RFTN1: variants seen among roughly 807,000 people sequenced by gnomAD.
RFTN1 encodes the protein raftlin.
Under a neutral mutation model 46.5 loss-of-function variants are expected in RFTN1, and 26 were observed. The observed-to-expected ratio is 0.56, with a 90% CI of 0.41 to 0.78. The LOEUF (loss-of-function observed/expected upper bound fraction) is 0.78, where lower values mean the gene tolerates loss of function less well. Among genes scored for constraint, RFTN1 ranks in the 30% least tolerant of loss-of-function variants. The pLI, the probability that RFTN1 is intolerant of heterozygous loss-of-function variation, is 0.00. For synonymous variants in RFTN1, 261 were observed against 284.2 expected (o/e 0.92, Z 0.82); for missense variants, 693 against 718.7 (o/e 0.96, Z 0.41).
chr3:16,459,386 A>G lies in RFTN1; in HGVS notation c.146-25349T>C, dbSNP rs2075968763. Among the ~76,000 whole-genome samples the G allele has an allele frequency of 6.6e-6, 1 of 152,212 alleles. No individual in the cohort carries two copies. Among genetic ancestry groups the G allele is most frequent in the Non-Finnish European group, 1.5e-5 (1 of 68,042 alleles). ...TTTCTCATATCTCAAAAGATTGAAA[A>G]TTACAAATCCTAGCACTTTGGGAGG... On this transcript the variant is annotated intron_variant, in intron 2 of 9. Coordinates refer to ENST00000334133, the MANE Select transcript of RFTN1 (RefSeq NM_015150.2). The surrounding 1 kb of genome is among the most constrained non-coding windows in gnomAD (Gnocchi z 4.2).
intron 7 of RFTN1, among the ~76,000 whole-genome samples, chr3:16,331,561 A>G (rs1411136495): frequency 2.6e-5 from 4 of 151,954 alleles, no homozygotes; most frequent in African/African-American, 4.8e-5. Flanking sequence ...TCCTGGTTGT[A>G]CCTGAACCCA....
rs761582997 is a variant in RFTN1 at position 16,326,841 on chromosome 3, C to T, written c.1182G>A (p.Leu394=). ...VEVQTDYVPL[L]NSLAAYGWQL... is the part of the protein sequence containing the mutation. ...GCCAGCCATAGGCCGCCAGCGAGTT[C>T]AGCAGGGGCACGTAGTCTGTCTGCA... The change falls in exon 8 of 10, where the codon CTG becomes CTA. Residue 394 remains leucine (L), a synonymous_variant. Transcript: ENST00000334133. 8.7e-6 allele frequency: 14 copies of T among 1,614,096 alleles called. No homozygotes were observed. The highest frequency in any genetic ancestry group is 4.2e-6 in the Non-Finnish European group (5 of 1,180,006).
At chr3:16,416,369 C>T (rs920654255) in intron 3 of RFTN1, among the ~76,000 whole-genome samples, 11 of 152,134 alleles carry the variant, frequency 7.2e-5, no homozygotes, top group Admixed American at 3.3e-4. Context: ...AAAGCCATCA[C>T]AACATGACAA....
Position 16,387,784 on chromosome 3 carries a change from G to T in RFTN1, c.442-9682C>A, listed in dbSNP as rs1259767386. On this transcript the variant is annotated intron_variant, in intron 4 of 9. Transcript: ENST00000334133. The surrounding 1 kb of genome is among the most constrained non-coding windows in gnomAD (Gnocchi z 5.2). ...CTTCTGTACTGCCTCCTCACCGGCA[G>T]CTCCCCACAGCCCTCCTGTCACCTC... 6.6e-6 allele frequency among the ~76,000 whole-genome samples: 1 copy of T among 151,976 alleles called. No individual in the cohort carries two copies. The highest frequency in any genetic ancestry group is 6.6e-5 in the Admixed American group (1 of 15,234).
chr3:16,368,658 G>A (rs1031682143), intron 6 of RFTN1, among the ~76,000 whole-genome samples: 7 of 144,244 alleles, frequency 4.9e-5, no homozygotes, highest in African/African-American at 1.3e-4. Context: ...CAGCCTGGGC[G>A]ACAGAGCGAG....
At chr3:16,394,109 G>A (rs1481618560) in intron 4 of RFTN1, among the ~76,000 whole-genome samples, 2 of 152,106 alleles carry the variant, frequency 1.3e-5, no homozygotes, top group Non-Finnish European at 2.9e-5. Context: ...GCTTATACCT[G>A]TAATCCCAGT....
In RFTN1 at chr3:16,449,221, T is replaced by C. The variant is rs1156590854; in HGVS notation, c.146-15184A>G. 1.3e-5 allele frequency among the ~76,000 whole-genome samples: 2 copies of C among 152,200 alleles called. No individual in the cohort carries two copies. The highest frequency in any genetic ancestry group is 2.9e-5 in the Non-Finnish European group (2 of 68,042). Reference sequence around the variant, plus strand: ...TAGTTCTAAATTATGCAGATCCTATTAGGCAAATAAAGAACAGAAATCTGG... The same window carrying C: ...TAGTTCTAAATTATGCAGATCCTATCAGGCAAATAAAGAACAGAAATCTGG... On this transcript the variant is annotated intron_variant, in intron 2 of 9. Coordinates refer to ENST00000334133, the MANE Select transcript of RFTN1 (RefSeq NM_015150.2). This position sits in a 1 kb window ranked among gnomAD's most constrained non-coding sequence, Gnocchi z 5.1.
At position 16,387,047 on chromosome 3, in the gene RFTN1, A is replaced by C. The variant is rs2074203503; in HGVS notation, c.442-8945T>G. On this transcript the variant is annotated intron_variant, in intron 4 of 9. Transcript: ENST00000334133. This position sits in a 1 kb window ranked among gnomAD's most constrained non-coding sequence, Gnocchi z 5.2. ...TATGGTCACCTGGTTCAGTGTGACC[A>C]GCAGTGAAGACCCAGAAAGCTGCTT... Among the ~76,000 whole-genome samples, 1 of 152,234 alleles carries C rather than the reference A, an allele frequency of 6.6e-6. No individual in the cohort carries two copies. Among genetic ancestry groups the C allele is most frequent in the African/African-American group, 2.4e-5 (1 of 41,464 alleles).
intron 2 of RFTN1, among the ~76,000 whole-genome samples, chr3:16,436,455 C>G (rs2075518464): frequency 6.6e-6 from 1 of 151,750 alleles, no homozygotes; most frequent in Non-Finnish European, 1.5e-5. Context: ...CTCCTGGGTT[C>G]AAGTGATTCC....
At chr3:16,464,627 C>T (rs2124934567) in intron 2 of RFTN1, among the ~76,000 whole-genome samples, 1 of 152,374 alleles carries the variant, frequency 6.6e-6, no homozygotes, top group South Asian at 2.1e-4. Context: ...GCACAGTTTG[C>T]CAGTGTTGGG....
intron 3 of RFTN1, among the ~76,000 whole-genome samples, chr3:16,411,159 C>T (rs1037223820): frequency 6.6e-6 from 1 of 152,172 alleles, no homozygotes; most frequent in Admixed American, 6.5e-5. Context: ...CCCCTGAAGT[C>T]CCTGTGAGAG....
intron 1 of RFTN1, among the ~76,000 whole-genome samples, chr3:16,495,175 T>C (rs761653996): frequency 6.6e-5 from 10 of 152,218 alleles, no homozygotes; most frequent in Admixed American, 2.6e-4. Flanking sequence ...AGACATGATT[T>C]ATGTGCAATC....
intron 7 of RFTN1, among the ~76,000 whole-genome samples, chr3:16,332,337 C>T (rs1208678540): frequency 1.3e-5 from 1 of 78,510 alleles, no homozygotes; most frequent in Non-Finnish European, 2.8e-5. Flanking sequence ...TTCATTTTGT[C>T]TTCCAACTTT....
At chr3:16,485,909 C>G (rs1180036955) in intron 2 of RFTN1, among the ~76,000 whole-genome samples, 1 of 152,232 alleles carries the variant, frequency 6.6e-6, no homozygotes, top group Non-Finnish European at 1.5e-5. Flanking sequence ...TCTGGGCCCA[C>G]TTACTACTTG....
rs942074008 is a variant in RFTN1 at position 16,442,422 on chromosome 3, A to C, written c.146-8385T>G. On this transcript the variant is annotated intron_variant, in intron 2 of 9. Transcript: ENST00000334133. This position sits in a 1 kb window ranked among gnomAD's most constrained non-coding sequence, Gnocchi z 4.1. ...CTAGCAATCAATAACATGCTTTCAC[A>C]AAAAAAAACTATTCTTTTTTTAAAT... Among the ~76,000 whole-genome samples the C allele has an allele frequency of 2.6e-5, 4 of 151,126 alleles. No individual in the cohort carries two copies. The highest frequency in any genetic ancestry group is 5.9e-5 in the Non-Finnish European group (4 of 67,734).
intron 6 of RFTN1, among the ~76,000 whole-genome samples, chr3:16,365,646 C>T (rs1386870460): frequency 2.0e-5 from 3 of 152,142 alleles, no homozygotes; most frequent in Non-Finnish European, 4.4e-5. Context: ...AGCAGAGAGA[C>T]ATCTGGGTGT....
chr3:16,339,648 T>G (rs1045183787), intron 7 of RFTN1: 1 of 152,198 alleles, frequency 6.6e-6, no homozygotes, highest in African/African-American at 2.4e-5. Context: ...GACTGGCCAA[T>G]CCTATTTGGG....
Position 16,334,989 on chromosome 3 carries a change from G to A in RFTN1, c.1147-8113C>T, listed in dbSNP as rs891425519. Among the ~76,000 whole-genome samples the A allele has an allele frequency of 2.6e-5, 4 of 152,220 alleles. No individual in the cohort carries two copies. The highest frequency in any genetic ancestry group is 2.0e-4 in the Admixed American group (3 of 15,292). ...CAAGGAACATGGGCAGCTTCCAGAA[G>A]CTGGCAATGGTCGGTAACAGATTGT... On this transcript the variant is annotated intron_variant, in intron 7 of 9. Coordinates refer to ENST00000334133, the MANE Select transcript of RFTN1 (RefSeq NM_015150.2). The surrounding 1 kb of genome is among the most constrained non-coding windows in gnomAD (Gnocchi z 4.3).
chr3:16,384,912 T>C lies in RFTN1; in HGVS notation c.442-6810A>G, dbSNP rs1314341262. On this transcript the variant is annotated intron_variant, in intron 4 of 9. Coordinates refer to ENST00000334133, the MANE Select transcript of RFTN1 (RefSeq NM_015150.2). This position sits in a 1 kb window ranked among gnomAD's most constrained non-coding sequence, Gnocchi z 4.7. ...AGAACGTTCTATTGGGTAGCTCTGC[T>C]ATAGAGCATAATAAATCACATAAAA... Among the ~76,000 whole-genome samples, 2 of 152,216 alleles carry C rather than the reference T, an allele frequency of 1.3e-5. No homozygotes were observed. The highest frequency in any genetic ancestry group is 4.8e-5 in the African/African-American group (2 of 41,438).
Sources: gnomAD v4.1 joint callset for allele counts (sites outside exome capture counted in the v4.1 genomes callset) on GRCh38, gnomAD v4.1.1 for gene constraint, Gnocchi (gnomAD v3.1) non-coding constraint, MANE v1.5 for transcripts, NCBI Gene and HGNC (gene_info 2026-07-23, HGNC 2026-07-21) for gene names.